CUBN: variants seen among roughly 807,000 people sequenced by gnomAD.
The protein encoded by CUBN is 460 kDa receptor.
A neutral mutation model predicts 405.3 loss-of-function variants in CUBN; 282 were observed. The ratio of observed to expected loss-of-function variants is 0.70; its 90% CI spans 0.63 to 0.77. The LOEUF (loss-of-function observed/expected upper bound fraction) is 0.77, where lower values mean the gene tolerates loss of function less well. Ranked by LOEUF, CUBN falls within the 30% of genes least tolerant of loss-of-function variation. The pLI is 0.00. For synonymous variants in CUBN, 1,684 were observed against 1,617.0 expected, an observed-to-expected ratio of 1.04 and a Z score of -0.99; for missense variants, 4,514 against 4,475.2, an observed-to-expected ratio of 1.01 and a Z score of -0.25.
chr10:16,862,807 G>A (rs754323774), intron 59 of CUBN, among the ~76,000 whole-genome samples: 30 of 152,136 alleles, frequency 2.0e-4, no homozygotes, highest in Admixed American at 9.2e-4. Flanking sequence ...ACTAGGTCGC[G>A]TCTTGTGTTT....
At position 16,890,544 on chromosome 10, in the gene CUBN, C is replaced by A. The variant is rs750388642; in HGVS notation, c.8599-17G>T. ...TGCCCACACCTAGCACGGACATACA[C>A]AGAACTTTAATGCTCAAGGGTTTCC... On this transcript the variant is annotated splice_polypyrimidine_tract_variant and intron_variant, in intron 54 of 66. Transcript: ENST00000377833. The A allele has an allele frequency of 9.9e-6, 16 of 1,614,004 alleles. No homozygotes were observed. The highest frequency in any genetic ancestry group is 3.3e-5 in the Admixed American group (2 of 60,012).
In CUBN at chr10:17,047,615, A is replaced by C; in HGVS notation, c.3140-12T>G. Reference sequence around the variant, plus strand: ...GTCTTGCAAACATGCTGTGAACAGAAACAGACCATAAGAGAGAAAATAGAA... The same window carrying C: ...GTCTTGCAAACATGCTGTGAACAGACACAGACCATAAGAGAGAAAATAGAA... On this transcript the variant is annotated splice_polypyrimidine_tract_variant and intron_variant, in intron 22 of 66. Transcript: ENST00000377833. 6.2e-7 allele frequency: 1 copy of C among 1,610,298 alleles called. No homozygotes were observed.
intron 37 of CUBN, 90 bp from the exon 38 acceptor site, chr10:16,939,237 G>A: frequency 2.0e-6 from 2 of 1,025,296 alleles, no homozygotes; most frequent in Non-Finnish European, 3.1e-6. Flanking sequence ...GTGTTGAAAA[G>A]GATGGACTTT....
At chr10:17,046,626 G>T (rs1273099470) in intron 23 of CUBN, among the ~76,000 whole-genome samples, 1 of 152,002 alleles carries the variant, frequency 6.6e-6, no homozygotes, top group East Asian at 1.9e-4. Flanking sequence ...ACAAAAAAGG[G>T]ATTTATTCAA....
chr10:17,046,287 TAAC>T (rs752540946), intron 23 of CUBN, among the ~76,000 whole-genome samples, 193 bp from the exon 24 acceptor site: 1 of 152,162 alleles, frequency 6.6e-6, no homozygotes, highest in Non-Finnish European at 1.5e-5. Context: ...TTGAATGACT[TAAC>T]AAAGAATAAC....
intron 22 of CUBN, among the ~76,000 whole-genome samples, chr10:17,061,930 C>A (rs752512797): frequency 1.1e-4 from 16 of 152,154 alleles, no homozygotes; most frequent in Non-Finnish European, 2.4e-4. Context: ...TCAAACCAAT[C>A]AGCTATGTAT....
intron 17 of CUBN, among the ~76,000 whole-genome samples, chr10:17,073,095 A>G (rs1274091680): frequency 6.6e-6 from 1 of 152,218 alleles, no homozygotes; most frequent in Non-Finnish European, 1.5e-5. Context: ...TAATTTCCAA[A>G]TAATTTTTGT....
At position 17,041,023 on chromosome 10, in the gene CUBN, T is replaced by C; in HGVS notation, c.4017+10A>G. ...AAAAGCAGTGATCAATCAAGCTTTATAATACATACCTCTAAATAATCTGTG... is the reference window on the plus strand; with the variant it reads ...AAAAGCAGTGATCAATCAAGCTTTACAATACATACCTCTAAATAATCTGTG... On this transcript the variant is annotated intron_variant, in intron 27 of 66. Coordinates refer to ENST00000377833, the MANE Select transcript of CUBN (RefSeq NM_001081.4). The C allele has an allele frequency of 6.2e-7, 1 of 1,611,686 alleles. No individual in the cohort carries two copies. The highest frequency in any genetic ancestry group is 8.5e-7 in the Non-Finnish European group (1 of 1,177,788).
In CUBN at chr10:16,851,373, C is replaced by A. The variant is rs199499934; in HGVS notation, c.9525G>T (p.Ser3175=). ...TTAAATTCTTGTCATACATTCCATT[C>A]GAATCAGAATCAGGAGAGGCAAAGG... ...NNTFASPDSD[S]NGMYDKNLNC... is the part of the protein sequence containing the mutation. Residue 3175 remains serine (S), a synonymous_variant, in exon 60 of 67, where the codon TCG becomes TCT. Transcript: ENST00000377833. 1 of 1,614,092 alleles carries A rather than the reference C, an allele frequency of 6.2e-7. No homozygotes were observed. Among genetic ancestry groups the A allele is most frequent in the East Asian group, 2.2e-5 (1 of 44,878 alleles).
chr10:16,890,572 T>C, intron 54 of CUBN, 45 bp from the exon 55 acceptor site: 1 of 1,609,200 alleles, frequency 6.2e-7, no homozygotes, highest in Non-Finnish European at 8.5e-7. Context: ...GGGTTTCCCA[T>C]CAATATTTTA....
intron 59 of CUBN, among the ~76,000 whole-genome samples, chr10:16,863,599 C>T (rs1038760337): frequency 9.2e-5 from 14 of 151,986 alleles, no homozygotes; most frequent in South Asian, 6.2e-4. Flanking sequence ...TAAGTTTATT[C>T]TTGTATTGTT....
intron 4 of CUBN, among the ~76,000 whole-genome samples, chr10:17,126,178 A>G (rs1357894960): frequency 6.6e-6 from 1 of 152,212 alleles, no homozygotes; most frequent in African/African-American, 2.4e-5. Flanking sequence ...ATTTCTCTGC[A>G]TAGAAGGTTA....
chr10:16,995,188 T>C (rs539726110), intron 28 of CUBN, among the ~76,000 whole-genome samples: 5 of 152,318 alleles, frequency 3.3e-5, no homozygotes, highest in African/African-American at 1.2e-4. Flanking sequence ...TTTGTCACTT[T>C]GGTAAGAGAA....
In CUBN at chr10:17,034,523, G is replaced by A. The variant is rs895375464; in HGVS notation, c.4017+6510C>T. Among the ~76,000 whole-genome samples the A allele has an allele frequency of 5.9e-5, 9 of 152,304 alleles. No homozygotes were observed. The East Asian group carries it at 1.4e-3, about 23-fold the overall frequency. On this transcript the variant is annotated intron_variant, in intron 27 of 66. Transcript: ENST00000377833. ...GGCTATCTTGGTGGAAGTGGGCTATGAACAGTGGTCTCAAGTGCTGGACCA... is the reference window on the plus strand; with the variant it reads ...GGCTATCTTGGTGGAAGTGGGCTATAAACAGTGGTCTCAAGTGCTGGACCA...
intron 17 of CUBN, 111 bp downstream of exon 17, chr10:17,084,160 C>G: frequency 9.7e-7 from 1 of 1,031,494 alleles, no homozygotes; most frequent in Non-Finnish European, 1.5e-6. Flanking sequence ...CTAACAAGCT[C>G]TCAGGTATTC....
intron 26 of CUBN, among the ~76,000 whole-genome samples, 155 bp from the exon 27 acceptor site, chr10:17,041,375 C>G (rs1228990721): frequency 4.0e-5 from 6 of 151,806 alleles, no homozygotes; most frequent in Non-Finnish European, 8.8e-5. Context: ...TATACACACA[C>G]AGAGACACAC....
chr10:16,886,418 C>T (rs966638164), intron 56 of CUBN, among the ~76,000 whole-genome samples: 6 of 152,172 alleles, frequency 3.9e-5, no homozygotes, highest in East Asian at 1.9e-4. Flanking sequence ...TCGAATATAC[C>T]GAGGTAGCTT....
At chr10:16,950,465 ATTTT>A (rs1292004978) in intron 33 of CUBN, among the ~76,000 whole-genome samples, 1 of 152,136 alleles carries the variant, frequency 6.6e-6, no homozygotes, top group Non-Finnish European at 1.5e-5. Context: ...TAACAATAAA[ATTTT>A]TTTACAAAAT....
intron 10 of CUBN, among the ~76,000 whole-genome samples, chr10:17,108,759 C>A (rs1836698185): frequency 6.6e-6 from 1 of 152,040 alleles, no homozygotes; most frequent in African/African-American, 2.4e-5. Context: ...AAATTCTAAA[C>A]TTCTGAATAG....
Sources: gnomAD v4.1 joint callset for allele counts (sites outside exome capture counted in the v4.1 genomes callset) on GRCh38, gnomAD v4.1.1 for gene constraint, MANE v1.5 for transcripts, NCBI Gene and HGNC (gene_info 2026-07-23, HGNC 2026-07-21) for gene names.